LMNB2: variants seen among roughly 807,000 people sequenced by gnomAD.
LMNB2 encodes the protein lamin B2, also known as lamin-B2.
LMNB2 carries 17 observed loss-of-function variants against 69.3 expected under a neutral mutation model. The ratio of observed to expected loss-of-function variants is 0.25; its 90% confidence interval spans 0.17 to 0.37. LMNB2 has a LOEUF of 0.37. LMNB2 is among the 10% of genes least tolerant of loss of function. The pLI, the probability that LMNB2 is intolerant of heterozygous loss-of-function variation, is 1.00. For missense variants in LMNB2, 789 were observed against 883.6 expected (o/e 0.89, Z 1.36); for synonymous variants, 397 against 389.3 (o/e 1.02, Z -0.23).
rs1263835945 is a variant in LMNB2 at position 2,443,483 on chromosome 19, C to G, written c.401+921G>C. ...GCCACTGGCTGCTGTCACCCCCGTA[C>G]CAGGTGGCCGAGGTGCCACCCCTCC... is the stretch of plus-strand genomic sequence containing the variant. On this transcript the variant is annotated intron_variant, in intron 2 of 11. Transcript: ENST00000325327. The surrounding 1 kb of genome is among the most constrained non-coding windows in gnomAD (Gnocchi z 6.2). Among the ~76,000 whole-genome samples, 1 of 150,216 alleles carries G rather than the reference C, an allele frequency of 6.7e-6. No homozygotes were observed. The highest frequency in any genetic ancestry group is 2.5e-5 in the African/African-American group (1 of 40,628).
chr19:2,439,895 C>T (rs1393237584), intron 2 of LMNB2, among the ~76,000 whole-genome samples: 4 of 151,696 alleles, frequency 2.6e-5, no homozygotes, highest in South Asian at 4.2e-4. Flanking sequence ...CACCAGCGTC[C>T]GCTAATTTTT....
rs573071447 is a variant in LMNB2, at chr19:2,455,682, G to A, written c.264+988C>T. The stretch of plus-strand genomic sequence containing the variant: ...TCCTGGTCTGCACTTTTCACTCAGT[G>A]CCCTAGAAACCCCCTGGAGGTCCCC... On this transcript the variant is annotated intron_variant, in intron 1 of 11. Coordinates refer to ENST00000325327, the MANE Select transcript of LMNB2 (RefSeq NM_032737.4). Among the ~76,000 whole-genome samples, 24 of 152,228 alleles carry A rather than the reference G, an allele frequency of 1.6e-4. 1 individual carries two copies. In the South Asian group the frequency reaches 4.8e-3, roughly 30 times the overall value.
intron 2 of LMNB2, among the ~76,000 whole-genome samples, chr19:2,439,764 G>A (rs967377940): frequency 3.3e-5 from 5 of 149,866 alleles, no homozygotes; most frequent in South Asian, 2.1e-4. Flanking sequence ...TTGGAGTTTC[G>A]CTCTTGTTGC....
At chr19:2,431,014 G>GTAGA in intron 11 of LMNB2, 62 bp from the exon 12 acceptor site, 2 of 1,054,532 alleles carry the variant, frequency 1.9e-6, no homozygotes, top group Non-Finnish European at 3.0e-6. Context: ...CAGCCGGCAG[G>GTAGA]TAGATGGCTG....
rs1015657927 is a variant in LMNB2, at chr19:2,447,907, G to A, written c.265-3367C>T. Among the ~76,000 whole-genome samples, 5 of 152,326 alleles carry A rather than the reference G, an allele frequency of 3.3e-5. No individual in the cohort carries two copies. Among genetic ancestry groups the A allele is most frequent in the Admixed American group, 2.6e-4 (4 of 15,308 alleles). ...CCCCAGCACCGCAGCTCCAAGTCCC[G>A]TCAGCCTACAGTGGGGCGGGATAAG... On this transcript the variant is annotated intron_variant, in intron 1 of 11. Coordinates refer to ENST00000325327, the MANE Select transcript of LMNB2 (RefSeq NM_032737.4). This position sits in a 1 kb window ranked among gnomAD's most constrained non-coding sequence, Gnocchi z 4.4.
rs531172121 is a variant in LMNB2, at chr19:2,455,360, C to T, written c.264+1310G>A. Among the ~76,000 whole-genome samples, 8 of 151,850 alleles carry T rather than the reference C, an allele frequency of 5.3e-5. No individual in the cohort carries two copies. In the South Asian group the frequency reaches 1.2e-3, roughly 24 times the overall value. On this transcript the variant is annotated intron_variant, in intron 1 of 11. Coordinates refer to ENST00000325327, the MANE Select transcript of LMNB2 (RefSeq NM_032737.4). ...GACCACCCCCATTCCACCCCAGATACCCCAATACCCAGCTTCATCCCCAGA... is the reference window on the plus strand; with the variant it reads ...GACCACCCCCATTCCACCCCAGATATCCCAATACCCAGCTTCATCCCCAGA...
intron 9 of LMNB2, 21 bp downstream of exon 9, chr19:2,432,395 C>T: frequency 1.9e-6 from 3 of 1,604,170 alleles, no homozygotes; most frequent in Non-Finnish European, 2.6e-6. Context: ...GCCACCCTCG[C>T]CCTCCTGCCC....
At position 2,431,643 on chromosome 19, in the gene LMNB2, T is replaced by C. The variant is rs1296202298; in HGVS notation, c.1726A>G (p.Thr576Ala). ...NADGEEVAMR[T>A]VKKSSVMREN... ...CGCATCACCGAGGACTTCTTCACAG[T>C]CCTCATGGCCACTTCCTGTGCGGGA... is the stretch of plus-strand genomic sequence containing the variant. The change falls in exon 11 of 12, where the codon ACT becomes GCT. Residue 576 changes from threonine (T) to alanine (A), a missense_variant. Physicochemically the swap from Thr to Ala is moderately conservative, Grantham distance 58. Coordinates refer to ENST00000325327, the MANE Select transcript of LMNB2 (RefSeq NM_032737.4). 4 of 1,614,100 alleles carry C rather than the reference T, an allele frequency of 2.5e-6. No individual in the cohort carries two copies. The highest frequency in any genetic ancestry group is 1.7e-5 in the Admixed American group (1 of 60,024).
In LMNB2 at chr19:2,450,788, C is replaced by T. The variant is rs150160839; in HGVS notation, c.264+5882G>A. Among the ~76,000 whole-genome samples, 330 of 151,998 alleles carry T rather than the reference C, an allele frequency of 2.2e-3. 1 individual carries two copies. Among genetic ancestry groups the T allele is most frequent in the Admixed American group, 5.2e-3 (80 of 15,278 alleles). Reference sequence around the variant, plus strand: ...CTGGGACTATAGCCGTGCACCACCACGCCCAGCTAATTTTTGTATTTTTAG... The same window carrying T: ...CTGGGACTATAGCCGTGCACCACCATGCCCAGCTAATTTTTGTATTTTTAG... On this transcript the variant is annotated intron_variant, in intron 1 of 11. Transcript: ENST00000325327.
intron 1 of LMNB2, among the ~76,000 whole-genome samples, chr19:2,446,839 T>C (rs527396785): frequency 4.6e-5 from 7 of 152,284 alleles, no homozygotes; most frequent in Non-Finnish European, 1.0e-4. Flanking sequence ...CATCCATGCA[T>C]GTTTGAAAAC....
At chr19:2,436,764 T>C (rs28521929) in intron 4 of LMNB2, 76,771 of 145,734 alleles carry the variant, frequency 0.53, 19,842 homozygotes, top group East Asian at 0.63. Flanking sequence ...CGGCCGCCCT[T>C]CCGCCCCCAC....
At chr19:2,452,001 C>G (rs541837537) in intron 1 of LMNB2, among the ~76,000 whole-genome samples, 11 of 152,206 alleles carry the variant, frequency 7.2e-5, no homozygotes, top group African/African-American at 2.6e-4. Context: ...AGGGAAGTAC[C>G]TGGAGTACCT....
chr19:2,430,930 C>T lies in LMNB2; in HGVS notation c.1844G>A (p.Arg615Lys). 3 of 1,610,080 alleles carry T rather than the reference C, an allele frequency of 1.9e-6. No individual in the cohort carries two copies. Among genetic ancestry groups the T allele is most frequent in the Non-Finnish European group, 2.6e-6 (3 of 1,176,438 alleles). ...HQQGDPRTTSRGCYVM is the reference protein window; with the variant it reads ...HQQGDPRTTSKGCYVM Reference sequence around the variant, plus strand: ...GTGGGTTCACATCACGTAGCAGCCTCTTGAGGTGGTCCTCGGGTCCCCCTG... The same window carrying T: ...GTGGGTTCACATCACGTAGCAGCCTTTTGAGGTGGTCCTCGGGTCCCCCTG... Residue 615 changes from arginine (R) to lysine (K), a missense_variant, in exon 12 of 12, where the codon AGA (arginine) becomes AAA (lysine). Transcript: ENST00000325327.
chr19:2,432,975 T>A (rs55869399), intron 8 of LMNB2, among the ~76,000 whole-genome samples: 8 of 54,824 alleles, frequency 1.5e-4, no homozygotes, highest in Admixed American at 3.8e-4. Flanking sequence ...TGCCCCGGTC[T>A]TTCCGGTCAC....
chr19:2,448,130 G>T (rs1243483866), intron 1 of LMNB2, among the ~76,000 whole-genome samples: 1 of 152,104 alleles, frequency 6.6e-6, no homozygotes, highest in East Asian at 1.9e-4. Context: ...CCATGCAGGC[G>T]ATCATCTGGG....
intron 1 of LMNB2, 68 bp downstream of exon 1, chr19:2,456,602 C>G: frequency 7.6e-7 from 1 of 1,323,776 alleles, no homozygotes; most frequent in African/African-American, 1.6e-5. Flanking sequence ...TCCCCGCGAT[C>G]GCGCGCCCCG....
Position 2,447,784 on chromosome 19 carries a change from C to T in LMNB2, c.265-3244G>A, listed in dbSNP as rs1049652528. On this transcript the variant is annotated intron_variant, in intron 1 of 11. Coordinates refer to ENST00000325327, the MANE Select transcript of LMNB2 (RefSeq NM_032737.4). The surrounding 1 kb of genome is among the most constrained non-coding windows in gnomAD (Gnocchi z 4.4). ...GCAGAGGGCTGGGGGCCTGCCAGGA[C>T]GCACCCCTTGGCAGTGACCGGGCCT... Among the ~76,000 whole-genome samples the T allele has an allele frequency of 3.9e-5, 6 of 152,204 alleles. No homozygotes were observed. Among genetic ancestry groups the T allele is most frequent in the Admixed American group, 1.3e-4 (2 of 15,276 alleles).
chr19:2,456,789 C>A lies in LMNB2; in HGVS notation c.145G>T (p.Glu49Ter). 2 of 1,521,582 alleles carry A rather than the reference C, an allele frequency of 1.3e-6. No individual in the cohort carries two copies. The highest frequency in any genetic ancestry group is 1.2e-5 in the South Asian group (1 of 82,764). 94.3% of individuals were successfully genotyped at this position (1,521,582 alleles called of 1,614,324 possible). A position where few individuals can be genotyped will look rare whatever the true frequency, so the allele number is the denominator to read the frequency against. Residue 49 changes from glutamate to a stop codon, truncating the protein, a stop_gained, in exon 1 of 12, where the codon GAG becomes TAG. Coordinates refer to ENST00000325327, the MANE Select transcript of LMNB2 (RefSeq NM_032737.4). LOFTEE classifies it high-confidence loss of function. Reference protein sequence around the residue: ...TRLSRLQEKEELRELNDRLAH... With the variant: ...TRLSRLQEKE The stretch of plus-strand genomic sequence containing the variant: ...AGGCGGTCGTTGAGCTCGCGCAGCT[C>A]CTCCTTCTCCTGCAGCCGCGACAGG...
rs1971920804 is a variant in LMNB2 at position 2,443,519 on chromosome 19, T to A, written c.401+885A>T. Among the ~76,000 whole-genome samples the A allele has an allele frequency of 6.6e-6, 1 of 152,010 alleles. No individual in the cohort carries two copies. Among genetic ancestry groups the A allele is most frequent in the Admixed American group, 6.5e-5 (1 of 15,268 alleles). On this transcript the variant is annotated intron_variant, in intron 2 of 11. Transcript: ENST00000325327. The surrounding 1 kb of genome is among the most constrained non-coding windows in gnomAD (Gnocchi z 6.2). ...AGGTGCCACCCCTCCTGCCAGCAGATCCCTCCATGCTGAGCCAGGCCTGCG... is the reference window on the plus strand; with the variant it reads ...AGGTGCCACCCCTCCTGCCAGCAGAACCCTCCATGCTGAGCCAGGCCTGCG...
Sources: gnomAD v4.1 joint callset for allele counts (sites outside exome capture counted in the v4.1 genomes callset) on GRCh38, gnomAD v4.1.1 for gene constraint, Gnocchi (gnomAD v3.1) non-coding constraint, MANE v1.5 for transcripts, NCBI Gene and HGNC (gene_info 2026-07-23, HGNC 2026-07-21) for gene names.